LHFPL3: variants seen among roughly 807,000 people sequenced by gnomAD.
LHFPL3 encodes the protein LHFPL tetraspan subfamily member 3 protein.
LHFPL3 carries 5 observed loss-of-function variants against 19.3 expected under a neutral mutation model. The observed-to-expected ratio is 0.26, with a 90% CI of 0.14 to 0.54. The LOEUF (loss-of-function observed/expected upper bound fraction) is 0.54, where lower values mean the gene tolerates loss of function less well. Among genes scored for constraint, LHFPL3 ranks in the 20% least tolerant of loss-of-function variants. The pLI, the probability that LHFPL3 is intolerant of heterozygous loss-of-function variation, is 0.94. For synonymous variants in LHFPL3, 133 were observed against 126.2 expected (o/e 1.05, Z -0.36); for missense variants, 249 against 307.4 (o/e 0.81, Z 1.42).
At chr7:104,838,217 T>A (rs529058143) in intron 2 of LHFPL3, among the ~76,000 whole-genome samples, 23 of 152,318 alleles carry the variant, frequency 1.5e-4, no homozygotes, top group Non-Finnish European at 2.5e-4. Context: ...CAGAAGTCCT[T>A]TGTGCCACAC....
intron 2 of LHFPL3, among the ~76,000 whole-genome samples, chr7:104,754,876 T>C (rs1794253294): frequency 6.6e-6 from 1 of 152,192 alleles, no homozygotes; most frequent in Non-Finnish European, 1.5e-5. Context: ...TTTTTCCCCT[T>C]GTTTTCTCTT....
intron 1 of LHFPL3, among the ~76,000 whole-genome samples, chr7:104,478,979 C>G (rs1337721107): frequency 6.6e-6 from 1 of 152,134 alleles, no homozygotes; most frequent in Non-Finnish European, 1.5e-5. Flanking sequence ...ACATGTTGAG[C>G]TGTAGTGAGA....
At chr7:104,511,393 G>A (rs961664067) in intron 1 of LHFPL3, among the ~76,000 whole-genome samples, 15 of 152,154 alleles carry the variant, frequency 9.9e-5, no homozygotes, top group African/African-American at 3.6e-4. Context: ...AGCCACTCTG[G>A]AAAACAGTTT....
At chr7:104,572,251 A>T (rs1790244128) in intron 1 of LHFPL3, among the ~76,000 whole-genome samples, 1 of 151,872 alleles carries the variant, frequency 6.6e-6, no homozygotes, top group Non-Finnish European at 1.5e-5. Context: ...GCACCAACCT[A>T]ATATATTTTG....
intron 2 of LHFPL3, among the ~76,000 whole-genome samples, chr7:104,767,612 T>G (rs1794478293): frequency 6.6e-6 from 1 of 152,244 alleles, no homozygotes; most frequent in Non-Finnish European, 1.5e-5. Flanking sequence ...CTCGAAGTAC[T>G]TTCCTTGAGC....
chr7:104,898,023 T>G (rs1792401979), intron 2 of LHFPL3, among the ~76,000 whole-genome samples: 1 of 144,434 alleles, frequency 6.9e-6, no homozygotes, highest in African/African-American at 2.6e-5. Context: ...TTTTTTTTTT[T>G]TTTTGATACA....
intron 1 of LHFPL3, among the ~76,000 whole-genome samples, chr7:104,430,429 T>C (rs1451126385): frequency 3.7e-3 from 45 of 12,196 alleles, no homozygotes; most frequent in South Asian, 6.7e-3. Flanking sequence ...CATATATATA[T>C]ATATATATAT....
intron 2 of LHFPL3, among the ~76,000 whole-genome samples, chr7:104,821,942 A>G (rs1790684093): frequency 6.6e-6 from 1 of 152,230 alleles, no homozygotes; most frequent in Non-Finnish European, 1.5e-5. Flanking sequence ...ACATGGAGAT[A>G]ATAACAGGCC....
At chr7:104,417,230 A>G (rs547390727) in intron 1 of LHFPL3, among the ~76,000 whole-genome samples, 6 of 152,302 alleles carry the variant, frequency 3.9e-5, no homozygotes, top group South Asian at 4.1e-4. Context: ...TTCTGCTTCA[A>G]TGAGCATGTC....
chr7:104,888,881 T>G (rs1792195531), intron 2 of LHFPL3, among the ~76,000 whole-genome samples: 2 of 152,194 alleles, frequency 1.3e-5, no homozygotes, highest in South Asian at 2.1e-4. Flanking sequence ...CCACTGAAAA[T>G]CCCCATACTG....
chr7:104,490,332 T>G (rs1793318013), intron 1 of LHFPL3, among the ~76,000 whole-genome samples: 1 of 152,200 alleles, frequency 6.6e-6, no homozygotes, highest in African/African-American at 2.4e-5. Context: ...GACTTTTGCA[T>G]GGAAGCAGCC....
At chr7:104,691,302 C>T (rs1339811225) in intron 1 of LHFPL3, among the ~76,000 whole-genome samples, 1 of 152,180 alleles carries the variant, frequency 6.6e-6, no homozygotes, top group Non-Finnish European at 1.5e-5. Flanking sequence ...GCCCATTGTC[C>T]CTACTTCTGT....
intron 1 of LHFPL3, among the ~76,000 whole-genome samples, chr7:104,650,121 G>C (rs949331037): frequency 4.6e-5 from 7 of 152,196 alleles, no homozygotes; most frequent in Admixed American, 4.6e-4. Context: ...TGGCAACTGA[G>C]AGCACAAGTC....
chr7:104,674,869 G>A (rs1012666372), intron 1 of LHFPL3, among the ~76,000 whole-genome samples: 2 of 152,002 alleles, frequency 1.3e-5, no homozygotes, highest in African/African-American at 4.8e-5. Flanking sequence ...ATCAATAAGA[G>A]AAACACTAAA....
rs1412373353 is a variant in LHFPL3 at position 104,908,311 on chromosome 7, C to A, written c.*2096C>A. ...CAGTGCTCTGAAGATGGGTCATTGA[C>A]GATGTACCATTTGTATATAGGTAAT... is the stretch of plus-strand genomic sequence containing the variant. On this transcript the variant is annotated 3_prime_UTR_variant, in exon 3 of 3. Transcript: ENST00000424859. 6.6e-6 allele frequency among the ~76,000 whole-genome samples: 1 copy of A among 151,736 alleles called. No homozygotes were observed. The highest frequency in any genetic ancestry group is 2.1e-4 in the South Asian group (1 of 4,824).
intron 1 of LHFPL3, among the ~76,000 whole-genome samples, chr7:104,474,670 G>A (rs1057498372): frequency 4.7e-5 from 5 of 106,056 alleles, no homozygotes; most frequent in South Asian, 3.2e-4. Flanking sequence ...CCATCACAAC[G>A]ACAACAACAA....
intron 1 of LHFPL3, among the ~76,000 whole-genome samples, chr7:104,614,680 C>CTTCCTTCCTTCTTTCT (rs767634683): frequency 5.3e-4 from 50 of 94,492 alleles, no homozygotes; most frequent in East Asian, 2.1e-3. Context: ...TCCTTCCTTC[C>CTTCCTTCCTTCTTTCT]TTCTTTCTTT....
chr7:104,426,782 G>C (rs985446491), intron 1 of LHFPL3, among the ~76,000 whole-genome samples: 4 of 151,944 alleles, frequency 2.6e-5, no homozygotes, highest in Non-Finnish European at 5.9e-5. Context: ...CATTTGCATT[G>C]GTGAGTTAAA....
Position 104,461,031 on chromosome 7 carries a change from C to A in LHFPL3, c.445+131807C>A, listed in dbSNP as rs185374408. On this transcript the variant is annotated intron_variant, in intron 1 of 2. Transcript: ENST00000424859. Reference sequence around the variant, plus strand: ...TTCTCACACTGCTAATAAAGACCTACCAGAGAGTGGGTAATTTATAAAGAA... The same window carrying A: ...TTCTCACACTGCTAATAAAGACCTAACAGAGAGTGGGTAATTTATAAAGAA... Among the ~76,000 whole-genome samples the A allele has an allele frequency of 2.6e-5, 4 of 152,238 alleles. No homozygotes were observed. The East Asian group carries it at 5.8e-4, about 22-fold the overall frequency.
Sources: allele counts gnomAD v4.1 joint callset (sites outside exome capture counted in the v4.1 genomes callset), GRCh38; gene constraint gnomAD v4.1.1; transcripts MANE v1.5; gene names NCBI Gene and HGNC (gene_info 2026-07-23, HGNC 2026-07-21).